PTAFR: variants seen among roughly 807,000 people sequenced by gnomAD.
PTAFR encodes the protein platelet-activating factor receptor.
PTAFR carries 8 observed loss-of-function variants against 14.7 expected under a neutral mutation model. The observed-to-expected ratio is 0.54, with a 90% CI of 0.32 to 0.98. The LOEUF (loss-of-function observed/expected upper bound fraction) is 0.98. PTAFR is among the 50% of genes least tolerant of loss of function. The probability of loss-of-function intolerance (pLI) is 0.04; values close to 1 mark genes in which losing one functional copy is unlikely to be tolerated. For synonymous variants in PTAFR, 156 were observed against 176.5 expected (o/e 0.88, Z 0.92); for missense variants, 337 against 451.2 (o/e 0.75, Z 2.29).
chr1:28,187,329 A>T (rs760220455), intron 1 of PTAFR, among the ~76,000 whole-genome samples: 19 of 151,878 alleles, frequency 1.3e-4, no homozygotes, highest in Non-Finnish European at 2.4e-4. Context: ...ATTAGCTACT[A>T]ATAGCCACTA....
chr1:28,190,333 C>T lies in PTAFR; in HGVS notation c.-39+3389G>A, dbSNP rs74064441. On this transcript the variant is annotated intron_variant, in intron 1 of 1. Transcript: ENST00000305392. ...GGAGAATGCAATACACATGCATCCACATATAAAGACAAATTCAGGATATGA... is the reference window on the plus strand; with the variant it reads ...GGAGAATGCAATACACATGCATCCATATATAAAGACAAATTCAGGATATGA... Among the ~76,000 whole-genome samples, 1,054 of 152,252 alleles carry T rather than the reference C, an allele frequency of 6.9e-3. 13 individuals carry two copies. The highest frequency in any genetic ancestry group is 0.024 in the African/African-American group (1,007 of 41,538).
chr1:28,150,201 G>A lies in PTAFR; in HGVS notation c.821C>T (p.Ala274Val), dbSNP rs769147248. Residue 274 changes from alanine (A) to valine (V), a missense_variant, in exon 2 of 2, where the codon GCA becomes GTA. Physicochemically the swap from Ala to Val is moderately conservative, Grantham distance 64 (BLOSUM62 0). Transcript: ENST00000373857. The surrounding 1 kb of genome is among the most constrained non-coding windows in gnomAD (Gnocchi z 6.3). ...AAGGAGGCAGAGGGTGACCTGATGT[G>A]CATCATTAATGGCCTGGTGGAATTT... ...DSKFHQAIND[A>V]HQVTLCLLST... 17 of 1,614,098 alleles carry A rather than the reference G, an allele frequency of 1.1e-5. No homozygotes were observed. The Admixed American group carries it at 2.8e-4, about 27-fold the overall frequency.
Position 28,163,996 on chromosome 1 carries a change from T to C in PTAFR, c.-39+12596A>G, listed in dbSNP as rs552743459. ...GGGTGGGGTAGAGAGGCCATAAATA[T>C]TCATGAGACAGAAGAATTCTGCTGT... On this transcript the variant is annotated intron_variant, in intron 1 of 1. Coordinates refer to ENST00000373857, the MANE Select transcript of PTAFR (RefSeq NM_000952.5). Among the ~76,000 whole-genome samples, 5 of 152,298 alleles carry C rather than the reference T, an allele frequency of 3.3e-5. No individual in the cohort carries two copies. The South Asian group carries it at 1.0e-3, about 32-fold the overall frequency.
intron 1 of PTAFR, among the ~76,000 whole-genome samples, chr1:28,185,167 G>C (rs1198734095): frequency 6.6e-6 from 1 of 151,944 alleles, no homozygotes; most frequent in Non-Finnish European, 1.5e-5. Context: ...TATTTACTTT[G>C]CTCATTATCT....
chr1:28,184,127 C>T (rs1030309510), intron 1 of PTAFR, among the ~76,000 whole-genome samples: 2 of 108,546 alleles, frequency 1.8e-5, no homozygotes, highest in African/African-American at 7.2e-5. Context: ...GAGTCTCATT[C>T]TGTCACCCAG....
At chr1:28,169,725 C>T (rs915562759) in intron 1 of PTAFR, among the ~76,000 whole-genome samples, 1 of 152,148 alleles carries the variant, frequency 6.6e-6, no homozygotes, top group East Asian at 1.9e-4. Flanking sequence ...CAGGGCTGGG[C>T]GCAGTGGCTC....
At position 28,147,267 on chromosome 1, in the gene PTAFR, G is replaced by A. The variant is rs372069130; in HGVS notation, c.*2726C>T. 4 of 151,998 alleles carry A rather than the reference G, an allele frequency of 2.6e-5. No homozygotes were observed. The highest frequency in any genetic ancestry group is 4.4e-5 in the Non-Finnish European group (3 of 68,010). The allele number at this position is 151,998 out of a possible 1,614,324, so 9.4% of individuals were successfully genotyped here. ...CATGAATGACTGAAATTCAGGAGACGCGGGGAGTTAGCACAGAAGCACTTT... is the reference window on the plus strand; with the variant it reads ...CATGAATGACTGAAATTCAGGAGACACGGGGAGTTAGCACAGAAGCACTTT... On this transcript the variant is annotated 3_prime_UTR_variant, in exon 2 of 2. Transcript: ENST00000373857.
intron 1 of PTAFR, among the ~76,000 whole-genome samples, chr1:28,166,733 T>C (rs1572038040): frequency 6.6e-6 from 1 of 151,886 alleles, no homozygotes; most frequent in East Asian, 1.9e-4. Flanking sequence ...TCCCAGAACT[T>C]TGAGAGGCCT....
rs560857565 is a variant in PTAFR, at chr1:28,157,873, G to C, written c.-38-6814C>G. Among the ~76,000 whole-genome samples the C allele has an allele frequency of 2.2e-3, 330 of 151,972 alleles. 1 individual carries two copies. Among genetic ancestry groups the C allele is most frequent in the African/African-American group, 7.7e-3 (319 of 41,438 alleles). On this transcript the variant is annotated intron_variant, in intron 1 of 1. Coordinates refer to ENST00000373857, the MANE Select transcript of PTAFR (RefSeq NM_000952.5). The stretch of plus-strand genomic sequence containing the variant: ...TCTTGATCTCCTGACCTTGTGATCT[G>C]CCCGCCTCGGCCTCCCAAAGTGCTG...
intron 1 of PTAFR, among the ~76,000 whole-genome samples, chr1:28,176,288 C>T (rs1354635550): frequency 1.3e-5 from 2 of 151,590 alleles, no homozygotes; most frequent in Non-Finnish European, 2.9e-5. Context: ...ACAAAAAATA[C>T]AAAAATTAGC....
chr1:28,165,915 C>T (rs1316025593), intron 1 of PTAFR, among the ~76,000 whole-genome samples: 1 of 152,184 alleles, frequency 6.6e-6, no homozygotes, highest in East Asian at 1.9e-4. Flanking sequence ...GGTTCAATGC[C>T]ATTCTACCAA....
At chr1:28,179,538 G>A (rs1243597692), upstream of PTAFR, among the ~76,000 whole-genome samples, 5 of 152,108 alleles carry the variant, frequency 3.3e-5, no homozygotes, top group Admixed American at 1.3e-4. Flanking sequence ...AGATTTGGCC[G>A]GGCACAGTGA....
intron 1 of PTAFR, among the ~76,000 whole-genome samples, chr1:28,187,961 T>A (rs1003184657): frequency 6.6e-6 from 1 of 151,870 alleles, no homozygotes; most frequent in Non-Finnish European, 1.5e-5. Context: ...GGCCGATCAA[T>A]TGAGCCCAGG....
chr1:28,165,403 C>CAAAAAA (rs36099131), intron 1 of PTAFR, among the ~76,000 whole-genome samples: 1 of 45,900 alleles, frequency 2.2e-5, no homozygotes, highest in Non-Finnish European at 4.5e-5. Context: ...GACTCTGTCT[C>CAAAAAA]AAAAAAAAAA....
At chr1:28,179,101 T>G (rs997467723), upstream of PTAFR, among the ~76,000 whole-genome samples, 1 of 152,234 alleles carries the variant, frequency 6.6e-6, no homozygotes, top group Admixed American at 6.5e-5. Context: ...ACATGGTCTG[T>G]ACATGAACTT....
intron 1 of PTAFR, among the ~76,000 whole-genome samples, chr1:28,183,812 G>C (rs964683660): frequency 6.6e-6 from 1 of 151,870 alleles, no homozygotes; most frequent in African/African-American, 2.4e-5. Flanking sequence ...ACTTGAACCC[G>C]GGAGGCAGAG....
At chr1:28,175,975 G>C (rs1646508819) in intron 1 of PTAFR, among the ~76,000 whole-genome samples, 1 of 151,964 alleles carries the variant, frequency 6.6e-6, no homozygotes, top group Non-Finnish European at 1.5e-5. Flanking sequence ...TCTGGGGTCA[G>C]CACTGCCACC....
At chr1:28,158,513 C>T (rs1178046156) in intron 1 of PTAFR, among the ~76,000 whole-genome samples, 1 of 152,200 alleles carries the variant, frequency 6.6e-6, no homozygotes, top group Admixed American at 6.5e-5. Flanking sequence ...GCCTGACCAA[C>T]ATGGTGAAAC....
chr1:28,177,090 C>T (rs1646523450), upstream of PTAFR: 1 of 152,220 alleles, frequency 6.6e-6, no homozygotes, highest in African/African-American at 2.4e-5. Context: ...GATGTAAACA[C>T]CGGGAGAGAT....
Sources: allele counts gnomAD v4.1 joint callset (sites outside exome capture counted in the v4.1 genomes callset), GRCh38; gene constraint gnomAD v4.1.1; non-coding constraint Gnocchi (gnomAD v3.1); transcripts MANE v1.5; gene names NCBI Gene and HGNC (gene_info 2026-07-23, HGNC 2026-07-21).